KTN1: variants seen among roughly 807,000 people sequenced by gnomAD.
The protein encoded by KTN1 is kinectin 1, also known as kinectin.
A neutral mutation model predicts 222.5 loss-of-function variants in KTN1; 130 were observed. That is an observed-to-expected ratio of 0.58 (90% confidence interval 0.51 to 0.68). The LOEUF (loss-of-function observed/expected upper bound fraction) is 0.68. Among genes scored for constraint, KTN1 ranks in the 30% least tolerant of loss-of-function variants. The pLI, the probability that KTN1 is intolerant of heterozygous loss-of-function variation, is 0.00. For missense variants in KTN1, 1,508 were observed against 1,500.4 expected (o/e 1.01, Z -0.08); for synonymous variants, 512 against 496.3 (o/e 1.03, Z -0.42).
At chr14:55,679,068 T>C (rs2046142948) in intron 42 of KTN1, 1 of 155,488 alleles carries the variant, frequency 6.4e-6, no homozygotes, top group African/African-American at 2.4e-5. Context: ...CTTTGTGCTT[T>C]AGTTGCCCCA....
At chr14:55,653,645 A>G in intron 28 of KTN1, 49 bp downstream of exon 28, 2 of 1,390,962 alleles carry the variant, frequency 1.4e-6, no homozygotes, top group Non-Finnish European at 2.0e-6. Context: ...ACGTCTCATT[A>G]TTTTCCAGGG....
chr14:55,585,261 A>T (rs1431102061), intron 1 of KTN1, among the ~76,000 whole-genome samples: 1 of 151,912 alleles, frequency 6.6e-6, no homozygotes, highest in Admixed American at 6.6e-5. Context: ...AGAAAGTGGC[A>T]TGGAGCCTTT....
chr14:55,619,551 A>G (rs981535023), intron 5 of KTN1, among the ~76,000 whole-genome samples: 1 of 152,172 alleles, frequency 6.6e-6, no homozygotes, highest in African/African-American at 2.4e-5. Context: ...TCACAGTTCT[A>G]CGTGGCTGGG....
At position 55,636,447 on chromosome 14, in the gene KTN1, A is replaced by C; in HGVS notation, c.1462-2A>C. ...ATCCTTTCTCCCTTTTAAAATACCA[A>C]GGTTCAACTACAAGAAGCTGAGAGA... is the stretch of plus-strand genomic sequence containing the variant. On this transcript the variant is annotated splice_acceptor_variant, in intron 9 of 43. Coordinates refer to ENST00000395314, the MANE Select transcript of KTN1 (RefSeq NM_001079521.2). LOFTEE classifies it high-confidence loss of function. 6.2e-7 allele frequency: 1 copy of C among 1,604,476 alleles called. No homozygotes were observed. Among genetic ancestry groups the C allele is most frequent in the East Asian group, 2.2e-5 (1 of 44,748 alleles).
chr14:55,628,102 A>G, intron 6 of KTN1, 74 bp downstream of exon 6: 1 of 903,316 alleles, frequency 1.1e-6, no homozygotes, highest in Admixed American at 2.2e-5. Flanking sequence ...AATTGTCCAT[A>G]ATCAGTAGTT....
intron 34 of KTN1, 116 bp from the exon 35 acceptor site, chr14:55,670,613 G>A (rs1238227245): frequency 1.6e-6 from 1 of 633,574 alleles, no homozygotes; most frequent in Non-Finnish European, 2.7e-6. Context: ...TGTCCTGTTT[G>A]TCTGTGTAGG....
intron 5 of KTN1, among the ~76,000 whole-genome samples, chr14:55,621,842 ATTAC>A (rs2039178935): frequency 7.2e-6 from 1 of 138,516 alleles, no homozygotes; most frequent in South Asian, 2.3e-4. Context: ...GATGATTTAT[ATTAC>A]TTTTTTTTTT....
At chr14:55,590,410 ATATTTT>A (rs2140351436) in intron 1 of KTN1, among the ~76,000 whole-genome samples, 1 of 152,362 alleles carries the variant, frequency 6.6e-6, no homozygotes, top group South Asian at 2.1e-4. Flanking sequence ...GTATGAGATA[ATATTTT>A]AAGAGTACGT....
intron 1 of KTN1, among the ~76,000 whole-genome samples, chr14:55,593,382 A>G (rs1006972068): frequency 6.6e-6 from 1 of 151,898 alleles, no homozygotes; most frequent in African/African-American, 2.4e-5. Context: ...CATTCAAATC[A>G]AAACTCTGAA....
chr14:55,678,678 G>C, intron 42 of KTN1: 1 of 431,470 alleles, frequency 2.3e-6, no homozygotes, highest in Non-Finnish European at 4.2e-6. Context: ...ACTGTGGACA[G>C]GTACCAGTCA....
intron 43 of KTN1, chr14:55,683,710 A>T (rs1403040302): frequency 7.5e-6 from 1 of 133,344 alleles, no homozygotes; most frequent in East Asian, 1.8e-4. Context: ...ATGACCTAAA[A>T]AAAAAAAAAA....
intron 28 of KTN1, among the ~76,000 whole-genome samples, chr14:55,653,940 A>G (rs1379665792): frequency 3.3e-5 from 5 of 152,172 alleles, no homozygotes; most frequent in Non-Finnish European, 4.4e-5. Flanking sequence ...TTTGAATTAG[A>G]TGTTAGTAAC....
intron 1 of KTN1, among the ~76,000 whole-genome samples, chr14:55,593,169 CA>C (rs1485266309): frequency 6.6e-6 from 1 of 151,982 alleles, no homozygotes; most frequent in Non-Finnish European, 1.5e-5. Flanking sequence ...CTTTGTTTGG[CA>C]ACCCTTTTGC....
Position 55,672,733 on chromosome 14 carries a change from A to G in KTN1, c.3603+32A>G, listed in dbSNP as rs78732957. 14,106 of 1,430,264 alleles carry G rather than the reference A, an allele frequency of 9.9e-3. 102 individuals are homozygous for G. The highest frequency in any genetic ancestry group is 0.011 in the Non-Finnish European group (10,831 of 1,015,154). 88.6% of individuals were successfully genotyped at this position (1,430,264 alleles called of 1,614,324 possible). A position where few individuals can be genotyped will look rare whatever the true frequency, so the allele number is the denominator to read the frequency against. ...TATTTGATTGTTTTACTTGTAACCTATGGATTTGTTTTTAGCATTAACGGT... is the reference window on the plus strand; with the variant it reads ...TATTTGATTGTTTTACTTGTAACCTGTGGATTTGTTTTTAGCATTAACGGT... On this transcript the variant is annotated intron_variant, in intron 38 of 43. Transcript: ENST00000395314.
chr14:55,631,549 G>A (rs892990247), intron 7 of KTN1, among the ~76,000 whole-genome samples: 1 of 151,776 alleles, frequency 6.6e-6, no homozygotes, highest in Non-Finnish European at 1.5e-5. Flanking sequence ...AATCCCAGCC[G>A]AGGTGGGAGG....
intron 1 of KTN1, among the ~76,000 whole-genome samples, chr14:55,604,822 G>A (rs1383234689): frequency 2.6e-5 from 4 of 151,918 alleles, no homozygotes; most frequent in Non-Finnish European, 5.9e-5. Context: ...TTCATACAAA[G>A]GACATGGCAA....
At chr14:55,634,936 C>A (rs1241008622) in intron 9 of KTN1, among the ~76,000 whole-genome samples, 4 of 152,024 alleles carry the variant, frequency 2.6e-5, no homozygotes, top group Non-Finnish European at 5.9e-5. Flanking sequence ...CTTGTGAGAT[C>A]TCACTATTAC....
chr14:55,585,087 G>C (rs1385160974), intron 1 of KTN1, among the ~76,000 whole-genome samples: 1 of 148,062 alleles, frequency 6.8e-6, no homozygotes, highest in Non-Finnish European at 1.5e-5. Context: ...AGCTGAGATG[G>C]TGCGACTGCA....
At chr14:55,602,523 C>G (rs1218796324) in intron 1 of KTN1, among the ~76,000 whole-genome samples, 1 of 152,002 alleles carries the variant, frequency 6.6e-6, no homozygotes, top group Non-Finnish European at 1.5e-5. Flanking sequence ...GTGAGTGCAA[C>G]TTACAAAGAA....
Sources: gnomAD v4.1 joint callset for allele counts (sites outside exome capture counted in the v4.1 genomes callset) on GRCh38, gnomAD v4.1.1 for gene constraint, MANE v1.5 for transcripts, NCBI Gene and HGNC (gene_info 2026-07-23, HGNC 2026-07-21) for gene names.